Variants in SORBS2 observed in about 807,000 individuals in gnomAD.
SORBS2 encodes sorbin and SH3 domain-containing protein 2.
In SORBS2, 46 loss-of-function variants were observed where a neutral mutation model predicts 97.7. The observed-to-expected ratio is 0.47, with a 90% CI of 0.37 to 0.60. The LOEUF (loss-of-function observed/expected upper bound fraction) is 0.60, where lower values mean the gene tolerates loss of function less well. Among genes scored for constraint, SORBS2 ranks in the 20% least tolerant of loss-of-function variants. The probability of loss-of-function intolerance (pLI) is 0.00; values close to 1 mark genes in which losing one functional copy is unlikely to be tolerated. For missense variants in SORBS2, 1,316 were observed against 1,282.3 expected (o/e 1.03, Z -0.40); for synonymous variants, 476 against 473.4 (o/e 1.01, Z -0.07).
chr4:185,776,515 C>A (rs560766245), intron 1 of SORBS2, among the ~76,000 whole-genome samples: 1 of 151,902 alleles, frequency 6.6e-6, no homozygotes, highest in African/African-American at 2.4e-5. Context: ...TTTTTTCAAC[C>A]CCCTACTCCC....
intron 1 of SORBS2, among the ~76,000 whole-genome samples, chr4:185,838,739 C>T (rs2099209704): frequency 6.6e-6 from 1 of 152,278 alleles, no homozygotes; most frequent in South Asian, 2.1e-4. Context: ...GTAAGCTTTG[C>T]CTCTGCCTCG....
chr4:185,780,939 T>G (rs1308993485), intron 1 of SORBS2, among the ~76,000 whole-genome samples: 1 of 152,202 alleles, frequency 6.6e-6, no homozygotes, highest in Non-Finnish European at 1.5e-5. Context: ...TTTATTTTTA[T>G]TTATTCATTT....
chr4:185,596,823 G>A (rs555763430), intron 12 of SORBS2, among the ~76,000 whole-genome samples: 1 of 152,172 alleles, frequency 6.6e-6, no homozygotes, highest in Non-Finnish European at 1.5e-5. Flanking sequence ...GTGAGTCACT[G>A]CGCCCGGCCC....
intron 2 of SORBS2, among the ~76,000 whole-genome samples, chr4:185,739,399 A>G (rs1273284076): frequency 6.6e-6 from 1 of 152,246 alleles, no homozygotes; most frequent in East Asian, 1.9e-4. Context: ...TGGAATTAAT[A>G]TGCTACAGAT....
intron 1 of SORBS2, among the ~76,000 whole-genome samples, chr4:185,821,703 C>T (rs1323526593): frequency 1.3e-5 from 2 of 152,176 alleles, no homozygotes; most frequent in Admixed American, 6.5e-5. Flanking sequence ...GGATTACAAG[C>T]GTGCACCACC....
rs529354365 is a variant in SORBS2 at position 185,892,029 on chromosome 4, T to C, written c.-338+64167A>G. The stretch of plus-strand genomic sequence containing the variant: ...TTTTGTATTTTAGTAGAGAAGGGGT[T>C]TCACCATCTTGGCCAGGATGGTCTC... On this transcript the variant is annotated intron_variant, in intron 1 of 20. Transcript: ENST00000284776. Among the ~76,000 whole-genome samples, 7 of 152,250 alleles carry C rather than the reference T, an allele frequency of 4.6e-5. No homozygotes were observed. In the East Asian group the frequency reaches 1.2e-3, roughly 25 times the overall value.
intron 2 of SORBS2, among the ~76,000 whole-genome samples, chr4:185,651,003 C>A (rs911467395): frequency 1.3e-5 from 2 of 152,020 alleles, no homozygotes; most frequent in African/African-American, 4.8e-5. Flanking sequence ...CCCAGAGGAC[C>A]CCAAGTGAGG....
chr4:185,951,409 C>T (rs1481965948), intron 1 of SORBS2, among the ~76,000 whole-genome samples: 1 of 152,170 alleles, frequency 6.6e-6, no homozygotes, highest in Admixed American at 6.5e-5. Flanking sequence ...GCTCACTGCC[C>T]GGGTACTGCT....
intron 1 of SORBS2, among the ~76,000 whole-genome samples, chr4:185,867,487 T>C (rs1001451449): frequency 6.6e-6 from 1 of 152,214 alleles, no homozygotes; most frequent in Non-Finnish European, 1.5e-5. Flanking sequence ...GTCTGCAAGA[T>C]CTATGTTTGC....
intron 8 of SORBS2, 149 bp downstream of exon 20, chr4:185,619,914 G>A (rs925886974): frequency 2.1e-5 from 14 of 681,970 alleles, no homozygotes; most frequent in Middle Eastern, 3.4e-4. Context: ...GAGTTGCTAT[G>A]CTCAGGCCCC....
chr4:185,657,501 C>T (rs1242933644), upstream of SORBS2: 12 of 1,568,336 alleles, frequency 7.7e-6, no homozygotes, highest in Non-Finnish European at 1.0e-5. Context: ...ATGACTGTCA[C>T]TCTCTTCTCT....
In SORBS2 at chr4:185,684,957, A is replaced by G; in HGVS notation, c.-197-6135T>C. The G allele has an allele frequency of 2.5e-6, 2 of 789,146 alleles. No individual in the cohort carries two copies. The highest frequency in any genetic ancestry group is 4.2e-6 in the Non-Finnish European group (2 of 481,368). 48.9% of individuals were successfully genotyped at this position (789,146 alleles called of 1,614,324 possible). A position where few individuals can be genotyped will look rare whatever the true frequency, so the allele number is the denominator to read the frequency against. ...ACATCCATGAGAAAGATGAACAGTT[A>G]GAATTAGTAATCATGGAATGCACCT... On this transcript the variant is annotated intron_variant, in intron 2 of 20. Coordinates refer to the SORBS2 transcript ENST00000284776. This position sits in a 1 kb window ranked among gnomAD's most constrained non-coding sequence, Gnocchi z 4.2.
chr4:185,814,976 G>A (rs376659008), intron 1 of SORBS2, among the ~76,000 whole-genome samples: 2 of 152,354 alleles, frequency 1.3e-5, no homozygotes, highest in African/African-American at 4.8e-5. Context: ...AAATGTGCTA[G>A]ATACAGATTT....
chr4:185,853,133 C>A (rs1192561320), intron 1 of SORBS2, among the ~76,000 whole-genome samples: 1 of 152,112 alleles, frequency 6.6e-6, no homozygotes, highest in Non-Finnish European at 1.5e-5. Flanking sequence ...CTTCTCAGTG[C>A]CATCCTTAAC....
chr4:185,644,640 G>A (rs2097179242), intron 4 of SORBS2, among the ~76,000 whole-genome samples: 1 of 152,082 alleles, frequency 6.6e-6, no homozygotes, highest in Admixed American at 6.6e-5. Context: ...TCTGTAACAT[G>A]GAAATGCCAT....
chr4:185,645,901 A>G (rs565979999), intron 4 of SORBS2: 14 of 152,370 alleles, frequency 9.2e-5, no homozygotes, highest in Non-Finnish European at 1.6e-4. Context: ...AAAGAAGGCC[A>G]AGGGAAGACC....
chr4:185,689,707 T>TGTAGCACTTGATGCG (rs1237344935), intron 2 of SORBS2, among the ~76,000 whole-genome samples: 1 of 152,200 alleles, frequency 6.6e-6, no homozygotes, highest in Non-Finnish European at 1.5e-5. Context: ...TAATCCTCCT[T>TGTAGCACTTGATGCG]GTAGCACTTG....
At chr4:185,625,951 C>T (rs1268506654) in intron 6 of SORBS2, among the ~76,000 whole-genome samples, 1 of 152,218 alleles carries the variant, frequency 6.6e-6, no homozygotes, top group Non-Finnish European at 1.5e-5. Flanking sequence ...AATTTCTTTA[C>T]ACATTTCAAA....
At chr4:185,657,416 T>A, upstream of SORBS2, 1 of 1,532,870 alleles carries the variant, frequency 6.5e-7, no homozygotes. Context: ...CACGCTGGCA[T>A]TTCCTACCGT....
Sources: allele counts gnomAD v4.1 joint callset (sites outside exome capture counted in the v4.1 genomes callset), GRCh38; gene constraint gnomAD v4.1.1; non-coding constraint Gnocchi (gnomAD v3.1); transcripts MANE v1.5; gene names NCBI Gene and HGNC (gene_info 2026-07-23, HGNC 2026-07-21).